The following FNBP1L variants were observed in gnomAD, a reference collection of about 807,000 sequenced individuals.
The protein encoded by FNBP1L is formin binding protein 1 like.
A neutral mutation model predicts 91.2 loss-of-function variants in FNBP1L; 36 were observed. The observed-to-expected ratio is 0.39, with a 90% CI of 0.30 to 0.52. The LOEUF (loss-of-function observed/expected upper bound fraction) is 0.52, where lower values mean the gene tolerates loss of function less well. Among genes scored for constraint, FNBP1L ranks in the 20% least tolerant of loss-of-function variants. The pLI, the probability that FNBP1L is intolerant of heterozygous loss-of-function variation, is 0.66. For missense variants in FNBP1L, 571 were observed against 732.1 expected (o/e 0.78, Z 2.54); for synonymous variants, 242 against 237.0 (o/e 1.02, Z -0.19).
rs147418971 is a variant in FNBP1L, at chr1:93,470,192, A to G, written c.24+21887A>G. ...CTGTTGCCCAGGCTGGAGTATAGTGATGCTGTCATAGCACAGTAACCTCAA... is the reference window on the plus strand; with the variant it reads ...CTGTTGCCCAGGCTGGAGTATAGTGGTGCTGTCATAGCACAGTAACCTCAA... On this transcript the variant is annotated intron_variant, in intron 1 of 16. Coordinates refer to ENST00000271234, the MANE Select transcript of FNBP1L (RefSeq NM_001164473.3). 6.1e-4 allele frequency among the ~76,000 whole-genome samples: 93 copies of G among 151,996 alleles called. 1 individual carries two copies. The East Asian group carries it at 0.017, about 28-fold the overall frequency.
At chr1:93,459,941 ATGTGTGTGTGTGTGTG>A (rs34705153) in intron 1 of FNBP1L, among the ~76,000 whole-genome samples, 2 of 142,168 alleles carry the variant, frequency 1.4e-5, no homozygotes, top group African/African-American at 5.1e-5. Flanking sequence ...TGGATTTCAG[ATGTGTGTGTGTGTGTG>A]TGTGTGTGTG....
At chr1:93,468,403 T>C (rs998737143) in intron 1 of FNBP1L, among the ~76,000 whole-genome samples, 2 of 152,166 alleles carry the variant, frequency 1.3e-5, no homozygotes, top group African/African-American at 2.4e-5. Flanking sequence ...AATGCTGCTG[T>C]GTGCTGTGAA....
intron 1 of FNBP1L, among the ~76,000 whole-genome samples, chr1:93,463,743 G>A (rs997701536): frequency 6.6e-6 from 1 of 152,138 alleles, no homozygotes; most frequent in African/African-American, 2.4e-5. Context: ...GTGATTATGT[G>A]CAGTTCCTTT....
At chr1:93,546,067 A>G (rs1672216273) in intron 12 of FNBP1L, among the ~76,000 whole-genome samples, 1 of 152,108 alleles carries the variant, frequency 6.6e-6, no homozygotes, top group Non-Finnish European at 1.5e-5. Context: ...TGATATTAAA[A>G]CAATTAAGAG....
chr1:93,463,675 A>G (rs1337586491), intron 1 of FNBP1L, among the ~76,000 whole-genome samples: 1 of 152,196 alleles, frequency 6.6e-6, no homozygotes, highest in Admixed American at 6.5e-5. Context: ...TATGTATTGC[A>G]GTACCAGAGT....
chr1:93,508,509 C>T (rs1456551026), intron 2 of FNBP1L, among the ~76,000 whole-genome samples: 1 of 152,018 alleles, frequency 6.6e-6, no homozygotes, highest in Non-Finnish European at 1.5e-5. Flanking sequence ...CATCTGAGGG[C>T]TCAGGATATT....
At chr1:93,497,304 T>C (rs1670299114) in intron 1 of FNBP1L, among the ~76,000 whole-genome samples, 1 of 152,222 alleles carries the variant, frequency 6.6e-6, no homozygotes, top group African/African-American at 2.4e-5. Flanking sequence ...TATTTTCTGA[T>C]TTAGTTTAGT....
chr1:93,552,432 A>G lies in FNBP1L; in HGVS notation c.*16A>G. ...AGGTTCCTGAAGAGGGTTTCTGAGG[A>G]AATGGGCAAGATGTTGAAGGAGGTT... On this transcript the variant is annotated 3_prime_UTR_variant, in exon 17 of 17. Coordinates refer to ENST00000271234, the MANE Select transcript of FNBP1L (RefSeq NM_001164473.3). 1 of 1,612,604 alleles carries G rather than the reference A, an allele frequency of 6.2e-7. No homozygotes were observed. The highest frequency in any genetic ancestry group is 8.5e-7 in the Non-Finnish European group (1 of 1,179,262).
At chr1:93,473,676 A>G (rs933757279) in intron 1 of FNBP1L, among the ~76,000 whole-genome samples, 1 of 152,224 alleles carries the variant, frequency 6.6e-6, no homozygotes, top group South Asian at 2.1e-4. Context: ...TTGAACAGAC[A>G]TTTGTATTAG....
chr1:93,513,200 T>A (rs1202466887), intron 2 of FNBP1L, among the ~76,000 whole-genome samples: 3 of 151,168 alleles, frequency 2.0e-5, no homozygotes, highest in African/African-American at 4.9e-5. Flanking sequence ...ACACATACAC[T>A]CTCCCAAGAC....
chr1:93,534,354 C>T (rs1246563894), intron 8 of FNBP1L, among the ~76,000 whole-genome samples: 2 of 152,094 alleles, frequency 1.3e-5, no homozygotes, highest in African/African-American at 4.8e-5. Context: ...TGAAACTTCT[C>T]AGAATTTCTA....
At chr1:93,501,568 G>GGGC (rs1670440153) in intron 2 of FNBP1L, among the ~76,000 whole-genome samples, 1 of 152,018 alleles carries the variant, frequency 6.6e-6, no homozygotes, top group African/African-American at 2.4e-5. Flanking sequence ...CTATCCATGA[G>GGGC]GGCGGATCCC....
intron 2 of FNBP1L, among the ~76,000 whole-genome samples, chr1:93,510,168 C>A (rs1024974262): frequency 2.6e-5 from 4 of 152,328 alleles, no homozygotes; most frequent in Non-Finnish European, 5.9e-5. Context: ...AGGGCACAGA[C>A]AAACAAAAAG....
chr1:93,448,750 C>A (rs1009704651), intron 1 of FNBP1L, among the ~76,000 whole-genome samples: 1 of 152,148 alleles, frequency 6.6e-6, no homozygotes, highest in Non-Finnish European at 1.5e-5. Flanking sequence ...AGGGGACCGG[C>A]CGCGATTCCT....
chr1:93,543,409 T>C (rs1261618942), intron 11 of FNBP1L, among the ~76,000 whole-genome samples: 1 of 152,186 alleles, frequency 6.6e-6, no homozygotes, highest in Non-Finnish European at 1.5e-5. Flanking sequence ...TTTATCCTTC[T>C]TTCAGTAACA....
Position 93,522,130 on chromosome 1 carries a change from GC to G in FNBP1L, c.191del (p.Pro64HisfsTer7). ...CPKRSSKDEE[P>X]RFTSCVAFFN... ...CCAAACGTTCATCCAAAGATGAAGA[GC>G]CACGGTAAATTACATACCTGTTCAT... is the stretch of plus-strand genomic sequence containing the variant. On this transcript the variant is annotated frameshift_variant, in exon 3 of 17. Coordinates refer to ENST00000271234, the MANE Select transcript of FNBP1L (RefSeq NM_001164473.3). LOFTEE classifies it high-confidence loss of function. 6.7e-7 allele frequency: 1 copy of G among 1,502,472 alleles called. No homozygotes were observed. Among genetic ancestry groups the G allele is most frequent in the Non-Finnish European group, 8.9e-7 (1 of 1,123,488 alleles). 93.1% of individuals were successfully genotyped at this position (1,502,472 alleles called of 1,614,324 possible).
At chr1:93,542,117 A>G (rs1421884363) in intron 11 of FNBP1L, among the ~76,000 whole-genome samples, 1 of 152,044 alleles carries the variant, frequency 6.6e-6, no homozygotes, top group Non-Finnish European at 1.5e-5. Context: ...TTTGGCATAT[A>G]TATATACTAG....
intron 2 of FNBP1L, among the ~76,000 whole-genome samples, chr1:93,505,480 G>GA (rs889287949): frequency 7.9e-5 from 12 of 152,144 alleles, no homozygotes; most frequent in Admixed American, 2.6e-4. Context: ...ACAAAGGAAG[G>GA]AGGAAGTAAC....
chr1:93,528,603 A>T (rs1415073149), intron 5 of FNBP1L, among the ~76,000 whole-genome samples: 1 of 152,162 alleles, frequency 6.6e-6, no homozygotes, highest in Non-Finnish European at 1.5e-5. Flanking sequence ...GAGAAAGCAT[A>T]CAACTAGGAA....
Sources: gnomAD v4.1 joint callset for allele counts (sites outside exome capture counted in the v4.1 genomes callset) on GRCh38, gnomAD v4.1.1 for gene constraint, MANE v1.5 for transcripts, NCBI Gene and HGNC (gene_info 2026-07-23, HGNC 2026-07-21) for gene names.